KDM2B: variants seen among roughly 807,000 people sequenced by gnomAD.
The protein encoded by KDM2B is lysine-specific demethylase 2B.
In KDM2B, 26 loss-of-function variants were observed where a neutral mutation model predicts 150.0. That is an observed-to-expected ratio of 0.17 (90% CI 0.13 to 0.24). KDM2B has a LOEUF of 0.24. Among genes scored for constraint, KDM2B ranks in the 10% least tolerant of loss-of-function variants. KDM2B has a pLI of 1.00. For synonymous variants in KDM2B, 734 were observed against 729.5 expected (o/e 1.01, Z -0.10); for missense variants, 1,265 against 1,816.9 (o/e 0.70, Z 5.52).
In KDM2B at chr12:121,521,253, T is replaced by C. The variant is rs1445727214; in HGVS notation, c.932-153A>G. Among the ~76,000 whole-genome samples, 1 of 152,138 alleles carries C rather than the reference T, an allele frequency of 6.6e-6. No homozygotes were observed. Among genetic ancestry groups the C allele is most frequent in the African/African-American group, 2.4e-5 (1 of 41,422 alleles). On this transcript the variant is annotated intron_variant, in intron 8 of 22. Transcript: ENST00000377071. The surrounding 1 kb of genome is among the most constrained non-coding windows in gnomAD (Gnocchi z 4.9). ...TGGGGCAGCGGCGCCCAGCAATGCC[T>C]GCTGCACAACGCCCAGGCCTGAGCC...
chr12:121,506,422 C>T (rs1461251408), intron 11 of KDM2B, among the ~76,000 whole-genome samples: 2 of 152,154 alleles, frequency 1.3e-5, no homozygotes, highest in Admixed American at 6.6e-5. Context: ...GGCCACACAA[C>T]ATTTAGAGAC....
At chr12:121,480,816 G>A (rs1461130132) in intron 12 of KDM2B, among the ~76,000 whole-genome samples, 1 of 151,608 alleles carries the variant, frequency 6.6e-6, no homozygotes, top group Non-Finnish European at 1.5e-5. Context: ...TCCCATGCTG[G>A]CCCCACACCC....
At position 121,430,365 on chromosome 12, in the gene KDM2B, C is replaced by A; in HGVS notation, c.3934G>T (p.Glu1312Ter). Residue 1312 changes from glutamate to a stop codon, truncating the protein, a stop_gained, in exon 23 of 23, where the codon GAG becomes TAG. Transcript: ENST00000377071. LOFTEE classifies it high-confidence loss of function. The surrounding 1 kb of genome is among the most constrained non-coding windows in gnomAD (Gnocchi z 4.4). ...YCKQVTKEGC[E>*]QFIAEMSVSV... ...ACAGACATCTCGGCTATGAACTGCT[C>A]ACAGCCTTCCTTGGTGACTTGCTTG... 1 of 1,614,166 alleles carries A rather than the reference C, an allele frequency of 6.2e-7. No homozygotes were observed. Among genetic ancestry groups the A allele is most frequent in the Non-Finnish European group, 8.5e-7 (1 of 1,180,014 alleles).
rs1337714861 is a variant in KDM2B, at chr12:121,521,963, G to T, written c.932-863C>A. Among the ~76,000 whole-genome samples the T allele has an allele frequency of 6.6e-6, 1 of 152,058 alleles. No homozygotes were observed. Among genetic ancestry groups the T allele is most frequent in the African/African-American group, 2.4e-5 (1 of 41,390 alleles). ...ATCTCTAAAAAAAATTAAATAAATA[G>T]CAGGGCATGGTGGTGCACACCTGCG... On this transcript the variant is annotated intron_variant, in intron 8 of 22. Transcript: ENST00000377071. This position sits in a 1 kb window ranked among gnomAD's most constrained non-coding sequence, Gnocchi z 4.9.
In KDM2B at chr12:121,575,318, G is replaced by A. The variant is rs1275670407; in HGVS notation, c.350+463C>T. 1.3e-5 allele frequency among the ~76,000 whole-genome samples: 2 copies of A among 152,218 alleles called. No individual in the cohort carries two copies. Among genetic ancestry groups the A allele is most frequent in the African/African-American group, 4.8e-5 (2 of 41,440 alleles). ...AGTGAATGAAAACAGACATAGTGGA[G>A]GGGCAAGCTGCAGGGCAGGCAAAGA... On this transcript the variant is annotated intron_variant, in intron 3 of 22. Coordinates refer to ENST00000377071, the MANE Select transcript of KDM2B (RefSeq NM_032590.5). This position sits in a 1 kb window ranked among gnomAD's most constrained non-coding sequence, Gnocchi z 4.4.
intron 12 of KDM2B, among the ~76,000 whole-genome samples, chr12:121,465,336 C>T (rs1418853281): frequency 6.6e-6 from 1 of 152,168 alleles, no homozygotes; most frequent in Non-Finnish European, 1.5e-5. Context: ...TGGGTTCAAG[C>T]GATTCTCCTG....
At chr12:121,428,955 G>A (rs999170080), downstream of KDM2B, 3 of 151,468 alleles carry the variant, frequency 2.0e-5, no homozygotes, top group Non-Finnish European at 2.9e-5. Context: ...AAAGAAGTCT[G>A]TGTCTAATTC....
chr12:121,514,681 T>C (rs1300570836), intron 9 of KDM2B, among the ~76,000 whole-genome samples: 1 of 151,118 alleles, frequency 6.6e-6, no homozygotes, highest in Non-Finnish European at 1.5e-5. Context: ...TGGTGAACAA[T>C]TACATTCTCC....
intron 12 of KDM2B, among the ~76,000 whole-genome samples, chr12:121,464,082 T>G (rs1422584913): frequency 6.6e-6 from 1 of 151,898 alleles, no homozygotes; most frequent in Non-Finnish European, 1.5e-5. Context: ...ATAAAAAAAT[T>G]AGTAGCTGAG....
chr12:121,580,236 C>A, intron 1 of KDM2B: 1 of 1,329,776 alleles, frequency 7.5e-7, no homozygotes, highest in Non-Finnish European at 9.6e-7. Context: ...TCCTAGGAAA[C>A]CATTTTCAGC....
chr12:121,581,290 A>G (rs1443685318), upstream of KDM2B: 1 of 179,858 alleles, frequency 5.6e-6, no homozygotes, highest in Non-Finnish European at 1.2e-5. Flanking sequence ...AGTTTATAGA[A>G]GACAAGTCGG....
intron 4 of KDM2B, among the ~76,000 whole-genome samples, chr12:121,552,124 TG>T (rs1450576839): frequency 2.0e-5 from 3 of 152,190 alleles, no homozygotes; most frequent in Non-Finnish European, 2.9e-5. Context: ...TTACTATGTG[TG>T]TCAGCACAGG....
intron 4 of KDM2B, among the ~76,000 whole-genome samples, chr12:121,574,183 C>T (rs1566435913): frequency 6.6e-6 from 1 of 152,072 alleles, no homozygotes; most frequent in Non-Finnish European, 1.5e-5. Flanking sequence ...GAGGAACAGC[C>T]CCTCGCCTCG....
intron 2 of KDM2B, among the ~76,000 whole-genome samples, chr12:121,576,662 T>C (rs1891514047): frequency 1.3e-5 from 2 of 152,190 alleles, no homozygotes; most frequent in South Asian, 2.1e-4. Flanking sequence ...GGCCTCTAAT[T>C]TCTTTCCTTC....
intron 8 of KDM2B, among the ~76,000 whole-genome samples, chr12:121,528,850 G>A (rs79104789): frequency 0.066 from 10,082 of 152,138 alleles, 787 homozygotes; most frequent in East Asian, 0.22. Flanking sequence ...CTGAGATCGT[G>A]CCACTGCACT....
intron 8 of KDM2B, among the ~76,000 whole-genome samples, chr12:121,531,091 G>A (rs914861053): frequency 4.6e-5 from 7 of 152,068 alleles, no homozygotes; most frequent in Admixed American, 3.9e-4. Context: ...AGCTTAGAAG[G>A]AGGATGCCAC....
intron 14 of KDM2B, 164 bp downstream of exon 14, chr12:121,445,111 G>A: frequency 1.4e-6 from 1 of 719,410 alleles, no homozygotes; most frequent in Non-Finnish European, 2.3e-6. Flanking sequence ...GGTACTCCAG[G>A]CCCTCCTTGC....
At chr12:121,441,261 C>T (rs201096641) in intron 19 of KDM2B, 28 bp from the exon 20 acceptor site, 9 of 1,608,302 alleles carry the variant, frequency 5.6e-6, no homozygotes, top group African/African-American at 1.3e-5. Flanking sequence ...GGGGACACAT[C>T]GTCAGAGGTG....
chr12:121,420,660 C>G, the KDM2B span: 4 of 1,614,088 alleles, frequency 2.5e-6, no homozygotes, highest in Non-Finnish European at 3.4e-6. Flanking sequence ...TGAGCGTGCG[C>G]CAGCTGAAGG....
Sources: allele counts gnomAD v4.1 joint callset (sites outside exome capture counted in the v4.1 genomes callset), GRCh38; gene constraint gnomAD v4.1.1; non-coding constraint Gnocchi (gnomAD v3.1); transcripts MANE v1.5; gene names NCBI Gene and HGNC (gene_info 2026-07-23, HGNC 2026-07-21).